SUSD4: variants seen among roughly 807,000 people sequenced by gnomAD.
SUSD4 encodes the protein sushi domain containing 4.
In SUSD4, 41 loss-of-function variants were observed where a neutral mutation model predicts 50.5. That is an observed-to-expected ratio of 0.81 (90% CI 0.63 to 1.05). The LOEUF (loss-of-function observed/expected upper bound fraction) is 1.05. Ranked by LOEUF, SUSD4 falls within the 50% of genes least tolerant of loss-of-function variation. The pLI, the probability that SUSD4 is intolerant of heterozygous loss-of-function variation, is 0.00. For missense variants in SUSD4, 580 were observed against 634.7 expected, an observed-to-expected ratio of 0.91 and a Z score of 0.93; for synonymous variants, 257 against 257.3, an observed-to-expected ratio of 1.00 and a Z score of 0.01.
Position 223,268,587 on chromosome 1 carries a change from T to C in SUSD4, c.450A>G (p.Gly150=), listed in dbSNP as rs532051986. 1.2e-5 allele frequency: 20 copies of C among 1,613,920 alleles called. No homozygotes were observed. The highest frequency in any genetic ancestry group is 1.5e-5 in the Non-Finnish European group (18 of 1,179,936). ...GTAGGTCGGGGTACCGGATCTTGAA[T>C]CCTTCATGACAAGTGATGATTAGCT... The part of the protein sequence containing the change: ...GEKLIITCHE[G]FKIRYPDLHN... The change falls in exon 4 of 9, where the codon GGA becomes GGG. Residue 150 remains glycine, a synonymous_variant. Transcript: ENST00000366878.
intron 2 of SUSD4, among the ~76,000 whole-genome samples, chr1:223,305,620 A>G (rs1665489768): frequency 3.3e-5 from 5 of 152,240 alleles, no homozygotes; most frequent in Admixed American, 2.6e-4. Context: ...TAGGCAAAAT[A>G]GATTTTTCAC....
upstream of SUSD4, chr1:223,364,231 C>A: frequency 1.4e-5 from 2 of 144,572 alleles, no homozygotes; most frequent in Non-Finnish European, 3.1e-5. The surrounding 1 kb of genome is among the most constrained non-coding windows in gnomAD (Gnocchi z 4.5). Context: ...CCCAGGCGCC[C>A]CCGAGCGGGC....
chr1:223,290,302 C>A (rs1664405445), intron 3 of SUSD4, among the ~76,000 whole-genome samples: 1 of 152,168 alleles, frequency 6.6e-6, no homozygotes, highest in Non-Finnish European at 1.5e-5. Flanking sequence ...GTATAGACTT[C>A]TAGGTCTCCC....
intron 2 of SUSD4, among the ~76,000 whole-genome samples, chr1:223,350,791 G>A (rs1668316452): frequency 6.6e-6 from 1 of 152,120 alleles, no homozygotes. Context: ...CTGCCCTGGA[G>A]GAATCTGTAA....
intron 5 of SUSD4, chr1:223,235,056 T>G: frequency 6.2e-7 from 1 of 1,610,152 alleles, no homozygotes; most frequent in Admixed American, 1.7e-5. Flanking sequence ...GCCAACCTGA[T>G]GTGTGGGAAA....
intron 3 of SUSD4, 33 bp from the exon 4 acceptor site, chr1:223,268,708 G>T: frequency 1.3e-6 from 2 of 1,593,944 alleles, no homozygotes. Context: ...CATTATTTTT[G>T]GAATTTTAAA....
intron 5 of SUSD4, among the ~76,000 whole-genome samples, chr1:223,241,945 T>C (rs942078803): frequency 1.3e-5 from 2 of 151,954 alleles, no homozygotes; most frequent in African/African-American, 4.8e-5. Flanking sequence ...ATAATTAGAG[T>C]ATGTATGTAT....
intron 7 of SUSD4, among the ~76,000 whole-genome samples, chr1:223,224,233 A>C (rs1301475105): frequency 6.6e-6 from 1 of 152,140 alleles, no homozygotes; most frequent in Non-Finnish European, 1.5e-5. Flanking sequence ...GCTATTCAAG[A>C]GGCTGAGGCA....
chr1:223,269,602 T>C (rs1050445614), intron 3 of SUSD4, among the ~76,000 whole-genome samples: 3 of 152,226 alleles, frequency 2.0e-5, no homozygotes, highest in Non-Finnish European at 4.4e-5. Context: ...CCATCTCTTA[T>C]GAGCACATGT....
chr1:223,277,669 C>T (rs974442313), intron 3 of SUSD4, among the ~76,000 whole-genome samples: 4 of 152,158 alleles, frequency 2.6e-5, no homozygotes, highest in African/African-American at 9.7e-5. Flanking sequence ...CTGGGTTGCA[C>T]ACCACCAGGA....
intron 5 of SUSD4, among the ~76,000 whole-genome samples, chr1:223,262,594 C>T (rs1662200220): frequency 6.6e-6 from 1 of 152,072 alleles, no homozygotes; most frequent in Non-Finnish European, 1.5e-5. Flanking sequence ...GAATCCTTAC[C>T]TCTTAGTTTA....
intron 2 of SUSD4, among the ~76,000 whole-genome samples, chr1:223,351,599 C>A (rs943427932): frequency 4.6e-5 from 7 of 152,062 alleles, no homozygotes; most frequent in Admixed American, 2.0e-4. Context: ...CAGAGGGGCG[C>A]CCAGATGCAG....
intron 2 of SUSD4, among the ~76,000 whole-genome samples, chr1:223,325,771 A>G (rs1203744306): frequency 6.6e-6 from 1 of 152,188 alleles, no homozygotes; most frequent in African/African-American, 2.4e-5. Context: ...TTTTTTTACA[A>G]CAGCTGCAAA....
At chr1:223,259,275 G>C (rs116240743) in intron 5 of SUSD4, among the ~76,000 whole-genome samples, 3 of 152,172 alleles carry the variant, frequency 2.0e-5, no homozygotes, top group East Asian at 1.9e-4. Context: ...CTAAATGTTT[G>C]ATTGGTCCTT....
chr1:223,296,728 T>G (rs1664849437), intron 2 of SUSD4, among the ~76,000 whole-genome samples: 1 of 152,124 alleles, frequency 6.6e-6, no homozygotes, highest in African/African-American at 2.4e-5. Context: ...GGTGGTTACC[T>G]CCATGCTGTT....
intron 2 of SUSD4, among the ~76,000 whole-genome samples, chr1:223,338,372 T>C (rs963524344): frequency 6.6e-6 from 1 of 151,952 alleles, no homozygotes; most frequent in Non-Finnish European, 1.5e-5. Flanking sequence ...TTAGTACAAC[T>C]GAAAAAATGA....
chr1:223,233,465 G>A (rs1285192243), intron 5 of SUSD4, among the ~76,000 whole-genome samples: 2 of 152,118 alleles, frequency 1.3e-5, no homozygotes, highest in Non-Finnish European at 2.9e-5. Context: ...ACCCAACACT[G>A]CCTCTCACTA....
chr1:223,226,646 G>A (rs942869473), intron 7 of SUSD4, among the ~76,000 whole-genome samples: 2 of 152,222 alleles, frequency 1.3e-5, no homozygotes, highest in African/African-American at 4.8e-5. Context: ...CCTCCTCCAT[G>A]AGCAATAGTC....
intron 3 of SUSD4, among the ~76,000 whole-genome samples, chr1:223,282,821 G>C (rs1418673161): frequency 6.6e-6 from 1 of 152,092 alleles, no homozygotes; most frequent in Non-Finnish European, 1.5e-5. Context: ...GAGGCATCAC[G>C]CTACCTGACT....
Sources: allele counts gnomAD v4.1 joint callset (sites outside exome capture counted in the v4.1 genomes callset), GRCh38; gene constraint gnomAD v4.1.1; non-coding constraint Gnocchi (gnomAD v3.1); transcripts MANE v1.5; gene names NCBI Gene and HGNC (gene_info 2026-07-23, HGNC 2026-07-21).